HNRNPR: variants seen among roughly 807,000 people sequenced by gnomAD.
HNRNPR encodes the protein heterogeneous nuclear ribonucleoprotein R.
A neutral mutation model predicts 70.3 loss-of-function variants in HNRNPR; 4 were observed. The observed-to-expected ratio is 0.06, with a 90% CI of 0.03 to 0.13. The LOEUF (loss-of-function observed/expected upper bound fraction) is 0.13. HNRNPR is among the 10% of genes least tolerant of loss of function. HNRNPR has a pLI of 1.00. For synonymous variants in HNRNPR, 241 were observed against 267.6 expected (o/e 0.90, Z 0.97); for missense variants, 423 against 788.5 (o/e 0.54, Z 5.55).
intron 4 of HNRNPR, among the ~76,000 whole-genome samples, chr1:23,337,016 T>TA (rs1227775924): frequency 3.3e-5 from 5 of 152,196 alleles, no homozygotes; most frequent in African/African-American, 9.6e-5. Flanking sequence ...CTCTGTAAGG[T>TA]AGTCACTATT....
rs144230517 is a variant in HNRNPR at position 23,336,935 on chromosome 1, T to C, written c.384+819A>G. Reference sequence around the variant, plus strand: ...ATAATAATAATGGTTCATGGTTATATAGTTCTTGCTACATTCCAGGCATTA... The same window carrying C: ...ATAATAATAATGGTTCATGGTTATACAGTTCTTGCTACATTCCAGGCATTA... On this transcript the variant is annotated intron_variant, in intron 4 of 10. Transcript: ENST00000302271. 6.6e-5 allele frequency among the ~76,000 whole-genome samples: 10 copies of C among 152,354 alleles called. No individual in the cohort carries two copies. The East Asian group carries it at 9.6e-4, about 15-fold the overall frequency.
In HNRNPR at chr1:23,318,457, T is replaced by C. The variant is rs767991078; in HGVS notation, c.1017+26A>G. Reference sequence around the variant, plus strand: ...GTACAAAATTTAAATGATGACCCTATGCCCATTCCAAGCAACTGTATTTAC... The same window carrying C: ...GTACAAAATTTAAATGATGACCCTACGCCCATTCCAAGCAACTGTATTTAC... On this transcript the variant is annotated intron_variant, in intron 8 of 10. Coordinates refer to ENST00000302271, the MANE Select transcript of HNRNPR (RefSeq NM_005826.5). The surrounding 1 kb of genome is among the most constrained non-coding windows in gnomAD (Gnocchi z 4.2). 14 of 1,557,986 alleles carry C rather than the reference T, an allele frequency of 9.0e-6. No homozygotes were observed. Among genetic ancestry groups the C allele is most frequent in the African/African-American group, 1.4e-5 (1 of 73,848 alleles).
chr1:23,311,470 A>G, intron 9 of HNRNPR, 148 bp from the exon 10 acceptor site: 1 of 596,948 alleles, frequency 1.7e-6, no homozygotes, highest in Non-Finnish European at 2.9e-6. Flanking sequence ...ATCTAGCCAG[A>G]AAGTTAAACA....
chr1:23,321,744 T>A (rs1477754793), intron 6 of HNRNPR, 81 bp from the exon 7 acceptor site: 1 of 1,431,180 alleles, frequency 7.0e-7, no homozygotes, highest in African/African-American at 1.4e-5. Flanking sequence ...ATTCAACAAT[T>A]TAAGGCCAAA....
chr1:23,322,385 G>A (rs1312443652), intron 6 of HNRNPR, among the ~76,000 whole-genome samples: 1 of 152,024 alleles, frequency 6.6e-6, no homozygotes, highest in Non-Finnish European at 1.5e-5. Context: ...ACAGGCGTGC[G>A]CCACCACGCC....
At chr1:23,337,972 G>A in intron 3 of HNRNPR, 111 bp from the exon 4 acceptor site, 1 of 706,722 alleles carries the variant, frequency 1.4e-6, no homozygotes. Context: ...AAGATTTACT[G>A]ATTCATTCAA....
rs1357424654 is a variant in HNRNPR, at chr1:23,323,558, G to C, written c.673C>G (p.Leu225Val). The change falls in exon 6 of 11, where the codon CTG becomes GTG. Residue 225 changes from leucine to valine, a missense_variant and splice_region_variant. Coordinates refer to ENST00000302271, the MANE Select transcript of HNRNPR (RefSeq NM_005826.5). ...GKEAAQEAVK[L>V]CDSYEIRPGK... ...GACAGTGGATAATTATCACATACCA[G>C]TTTCACGGCTTCCTGTGCAGCTTCC... 9.9e-6 allele frequency: 16 copies of C among 1,612,806 alleles called. No individual in the cohort carries two copies. Among genetic ancestry groups the C allele is most frequent in the Non-Finnish European group, 1.4e-5 (16 of 1,179,104 alleles).
rs777561264 is a variant in HNRNPR, at chr1:23,311,213, G to T, written c.1277C>A (p.Ser426Tyr). The change falls in exon 10 of 11, where the codon TCC becomes TAC. Residue 426 changes from serine to tyrosine, a missense_variant. Coordinates refer to ENST00000302271, the MANE Select transcript of HNRNPR (RefSeq NM_005826.5). ...RKERQAARQA[S>Y]RSTAYEDYYY... ...AATGTAGACTCACGCAGTGCTTCTG[G>T]AGGCCTGTCTAGCAGCTTGGCGCTC... The T allele has an allele frequency of 6.2e-7, 1 of 1,613,680 alleles. No homozygotes were observed. The highest frequency in any genetic ancestry group is 8.5e-7 in the Non-Finnish European group (1 of 1,180,002).
rs1553159450 is a variant in HNRNPR, at chr1:23,334,253, T to TC, written c.385-623_385-622insG. On this transcript the variant is annotated intron_variant, in intron 4 of 10. Transcript: ENST00000302271. ...AGTGTACTTTTTTTTTTTTTTTTTTTTGAGACGGAGTCTCGCTGTGTCACC... is the reference window on the plus strand; with the variant it reads ...AGTGTACTTTTTTTTTTTTTTTTTTTCTGAGACGGAGTCTCGCTGTGTCACC... 7.2e-3 allele frequency among the ~76,000 whole-genome samples: 1,062 copies of TC among 147,790 alleles called. 14 individuals are homozygous for TC. Among genetic ancestry groups the TC allele is most frequent in the Middle Eastern group, 0.018 (5 of 282 alleles).
rs190781265 is a variant in HNRNPR at position 23,325,127 on chromosome 1, G to A, written c.499-1395C>T. ...TACACTCCAGCCTGGGCAACAGAGG[G>A]AGACTCCATCTCAAAAAAAAAACAA... On this transcript the variant is annotated intron_variant, in intron 5 of 10. Coordinates refer to ENST00000302271, the MANE Select transcript of HNRNPR (RefSeq NM_005826.5). Among the ~76,000 whole-genome samples, 234 of 151,628 alleles carry A rather than the reference G, an allele frequency of 1.5e-3. 1 individual carries two copies. The highest frequency in any genetic ancestry group is 5.4e-3 in the African/African-American group (223 of 41,296).
In HNRNPR at chr1:23,311,192, T is replaced by C. The variant is rs755003927; in HGVS notation, c.1289+9A>G. ...GTCCAAAGATATATCTACTAAAATG[T>C]AGACTCACGCAGTGCTTCTGGAGGC... On this transcript the variant is annotated intron_variant, in intron 10 of 10. Coordinates refer to ENST00000302271, the MANE Select transcript of HNRNPR (RefSeq NM_005826.5). 2.1e-5 allele frequency: 34 copies of C among 1,613,602 alleles called. No individual in the cohort carries two copies. The East Asian group carries it at 2.5e-4, about 12-fold the overall frequency.
In HNRNPR at chr1:23,333,618, C is replaced by T. The variant is rs1553159307; in HGVS notation, c.398G>A (p.Arg133Lys). 6.2e-7 allele frequency: 1 copy of T among 1,604,584 alleles called. No individual in the cohort carries two copies. The highest frequency in any genetic ancestry group is 8.5e-7 in the Non-Finnish European group (1 of 1,171,310). The change falls in exon 5 of 11, where the codon AGA (arginine) becomes AAA (lysine). Residue 133 changes from arginine to lysine, a missense_variant. Arg to Lys is a conservative substitution (Grantham distance 26, BLOSUM62 2). This residue lies in a region of HNRNPR where 118 missense variants were observed against 239.3 expected (regional missense o/e 0.49). Transcript: ENST00000302271. ...GGTTACATCCAGAGTATAACCAGTT[C>T]TCTCAAGCAAGGCCTAGAGATAATT... ...DEAKIKALLE[R>K]TGYTLDVTTG...
intron 5 of HNRNPR, among the ~76,000 whole-genome samples, chr1:23,328,875 C>T (rs569901864): frequency 1.3e-5 from 2 of 152,162 alleles, no homozygotes; most frequent in Admixed American, 6.5e-5. Flanking sequence ...ACCCAACTCT[C>T]GAGGAGGCCA....
intron 6 of HNRNPR, 43 bp downstream of exon 6, chr1:23,323,513 C>A: frequency 6.6e-7 from 1 of 1,518,196 alleles, no homozygotes; most frequent in South Asian, 1.2e-5. Flanking sequence ...AGTTTATTTC[C>A]TCAAATAGTG....
At chr1:23,320,395 A>G (rs551570230) in intron 7 of HNRNPR, among the ~76,000 whole-genome samples, 1 of 152,318 alleles carries the variant, frequency 6.6e-6, no homozygotes, top group Non-Finnish European at 1.5e-5. Flanking sequence ...GATATGGTGG[A>G]GCTGAAGTAA....
At chr1:23,323,932 T>A (rs1645856572) in intron 5 of HNRNPR, among the ~76,000 whole-genome samples, 200 bp from the exon 6 acceptor site, 2 of 152,100 alleles carry the variant, frequency 1.3e-5, no homozygotes, top group African/African-American at 2.4e-5. Flanking sequence ...AGAACAAGTC[T>A]CTTGAAAAAT....
chr1:23,341,305 T>C (rs1049287737), intron 1 of HNRNPR, among the ~76,000 whole-genome samples: 9 of 152,316 alleles, frequency 5.9e-5, no homozygotes, highest in Non-Finnish European at 1.2e-4. Flanking sequence ...CAAAAGCAGC[T>C]GTTCTGTCCT....
At chr1:23,324,465 G>A (rs1268981898) in intron 5 of HNRNPR, among the ~76,000 whole-genome samples, 1 of 152,156 alleles carries the variant, frequency 6.6e-6, no homozygotes, top group Non-Finnish European at 1.5e-5. Context: ...CTACTTGGGA[G>A]GCTGAGGCAG....
At chr1:23,337,961 A>G in intron 3 of HNRNPR, 100 bp from the exon 4 acceptor site, 1 of 747,468 alleles carries the variant, frequency 1.3e-6, no homozygotes, top group Non-Finnish European at 2.2e-6. Context: ...GATTTTAACA[A>G]AAGATTTACT....
Sources: gnomAD v4.1 joint callset for allele counts (sites outside exome capture counted in the v4.1 genomes callset) on GRCh38, gnomAD v4.1.1 for gene constraint, gnomAD v4.1.1 regional missense constraint, Gnocchi (gnomAD v3.1) non-coding constraint, MANE v1.5 for transcripts, NCBI Gene and HGNC (gene_info 2026-07-23, HGNC 2026-07-21) for gene names.